Variants in SIDT1 observed in about 807,000 individuals in gnomAD.
SIDT1 encodes the protein SID1 transmembrane family member 1.
A neutral mutation model predicts 107.5 loss-of-function variants in SIDT1; 101 were observed. That is an observed-to-expected ratio of 0.94 (90% CI 0.80 to 1.11). The LOEUF (loss-of-function observed/expected upper bound fraction) is 1.11. SIDT1 is among the 50% of genes least tolerant of loss of function. The pLI, the probability that SIDT1 is intolerant of heterozygous loss-of-function variation, is 0.00. For synonymous variants in SIDT1, 395 were observed against 398.2 expected (o/e 0.99, Z 0.10); for missense variants, 1,076 against 1,058.2 (o/e 1.02, Z -0.23).
At chr3:113,539,935 C>A (rs986466542) in intron 1 of SIDT1, among the ~76,000 whole-genome samples, 10 of 148,968 alleles carry the variant, frequency 6.7e-5, no homozygotes, top group South Asian at 2.1e-4. Context: ...ACCTGGGAGG[C>A]GGAGGCTGCA....
intron 18 of SIDT1, among the ~76,000 whole-genome samples, chr3:113,611,409 G>A (rs1238749513): frequency 6.6e-6 from 1 of 152,126 alleles, no homozygotes; most frequent in Admixed American, 6.6e-5. Flanking sequence ...TCAGCTCACC[G>A]CAACCTCCAC....
chr3:113,627,908 A>C lies in SIDT1; in HGVS notation c.*200A>C. The C allele has an allele frequency of 1.7e-6, 1 of 590,380 alleles. No homozygotes were observed. 36.6% of individuals were successfully genotyped at this position (590,380 alleles called of 1,614,324 possible). A position where few individuals can be genotyped will look rare whatever the true frequency, so the allele number is the denominator to read the frequency against. ...GAGGCAGAAGGGGAGCCATGTTTTG[A>C]GGACAGACGCAAACCTGAGGAGCTG... On this transcript the variant is annotated 3_prime_UTR_variant, in exon 25 of 25. Coordinates refer to ENST00000264852, the MANE Select transcript of SIDT1 (RefSeq NM_017699.3).
At chr3:113,606,189 A>G (rs978964513) in intron 14 of SIDT1, among the ~76,000 whole-genome samples, 3 of 152,190 alleles carry the variant, frequency 2.0e-5, no homozygotes, top group African/African-American at 4.8e-5. Context: ...CCTTCTATAG[A>G]ATTTATTACA....
At chr3:113,555,661 G>C (rs1357309783) in intron 1 of SIDT1, among the ~76,000 whole-genome samples, 3 of 152,112 alleles carry the variant, frequency 2.0e-5, no homozygotes, top group African/African-American at 7.2e-5. Flanking sequence ...GCTAGATGAG[G>C]TCTGGAAACT....
chr3:113,583,347 G>A, intron 6 of SIDT1, 62 bp from the exon 7 acceptor site: 1 of 1,274,462 alleles, frequency 7.8e-7, no homozygotes, highest in Non-Finnish European at 1.1e-6. Context: ...CCTACCCCCA[G>A]GGACTTTCTC....
At chr3:113,599,840 G>A (rs554763818) in intron 10 of SIDT1, among the ~76,000 whole-genome samples, 2 of 152,206 alleles carry the variant, frequency 1.3e-5, no homozygotes, top group East Asian at 3.9e-4. Context: ...TAATAATATT[G>A]CATTCTATGT....
rs1942105566 is a variant in SIDT1, at chr3:113,568,288, C to G, written c.515+578C>G. The stretch of plus-strand genomic sequence containing the variant: ...CCAAATAGTCAAAAAAACACAACCT[C>G]ATTAGCTATAAGAAATGTAAATTAA... On this transcript the variant is annotated intron_variant, in intron 3 of 24. Coordinates refer to ENST00000264852, the MANE Select transcript of SIDT1 (RefSeq NM_017699.3). Among the ~76,000 whole-genome samples, 3 of 152,076 alleles carry G rather than the reference C, an allele frequency of 2.0e-5. No individual in the cohort carries two copies. In the South Asian group the frequency reaches 6.2e-4, roughly 31 times the overall value.
intron 1 of SIDT1, among the ~76,000 whole-genome samples, chr3:113,535,359 G>A (rs866894451): frequency 6.6e-6 from 1 of 152,132 alleles, no homozygotes; most frequent in African/African-American, 2.4e-5. Flanking sequence ...TGAATAAAGG[G>A]TTATTAGCTA....
rs892257387 is a variant in SIDT1, at chr3:113,532,858, C to A, written c.-164C>A. The A allele has an allele frequency of 2.2e-6, 1 of 450,082 alleles. No homozygotes were observed. The highest frequency in any genetic ancestry group is 2.0e-5 in the African/African-American group (1 of 48,796). The allele number at this position is 450,082 out of a possible 1,614,324, so 27.9% of individuals were successfully genotyped here. On this transcript the variant is annotated 5_prime_UTR_variant, in exon 1 of 25. Transcript: ENST00000264852. ...CGGCAGCATCAGTATTTGATCGGCC[C>A]TTCGTCAGCACGCTGCCAGCCCTGG...
chr3:113,563,253 G>A (rs917648055), intron 1 of SIDT1, among the ~76,000 whole-genome samples: 4 of 152,306 alleles, frequency 2.6e-5, no homozygotes, highest in African/African-American at 7.2e-5. Flanking sequence ...GTGATGTTGG[G>A]ATAACTGGAG....
chr3:113,533,238 G>A lies in SIDT1; in HGVS notation c.217G>A (p.Asp73Asn). 6.8e-7 allele frequency: 1 copy of A among 1,466,632 alleles called. No individual in the cohort carries two copies. The highest frequency in any genetic ancestry group is 9.1e-7 in the Non-Finnish European group (1 of 1,103,634). 90.9% of individuals were successfully genotyped at this position (1,466,632 alleles called of 1,614,324 possible). A position where few individuals can be genotyped will look rare whatever the true frequency, so the allele number is the denominator to read the frequency against. Reference protein sequence around the residue: ...IYSFNYTSQPDQVTAVRVYVN... With the variant: ...IYSFNYTSQPNQVTAVRVYVN... The stretch of plus-strand genomic sequence containing the variant: ...CTCTTTCAACTACACCAGCCAGCCC[G>A]ACCAGGTAAGACACTCGCTCCCCTC... Residue 73 changes from aspartate to asparagine, a missense_variant, in exon 1 of 25, where the codon GAC (aspartate) becomes AAC (asparagine). By Grantham distance (23) the Asp-to-Asn change is conservative. Transcript: ENST00000264852.
intron 1 of SIDT1, among the ~76,000 whole-genome samples, chr3:113,540,711 C>T (rs557438838): frequency 6.6e-6 from 1 of 152,156 alleles, no homozygotes; most frequent in Non-Finnish European, 1.5e-5. Context: ...ACCCCCTTCC[C>T]TCTCTTCCTC....
At chr3:113,600,531 T>C (rs1944886593) in intron 10 of SIDT1, among the ~76,000 whole-genome samples, 1 of 152,200 alleles carries the variant, frequency 6.6e-6, no homozygotes, top group Non-Finnish European at 1.5e-5. Flanking sequence ...AAGACTGTCC[T>C]ACACAGTAAG....
Position 113,611,036 on chromosome 3 carries a change from C to T in SIDT1, c.1749C>T (p.Gly583=). ...CCTCCTTCATGTACATGATCGCTGG[C>T]CTGTGCATGCTGAAGCTCTATCAGA... ...FDTSFMYMIA[G]LCMLKLYQTR... The change falls in exon 18 of 25, where the codon GGC becomes GGT. Residue 583 remains glycine (G), a synonymous_variant. Coordinates refer to ENST00000264852, the MANE Select transcript of SIDT1 (RefSeq NM_017699.3). The T allele has an allele frequency of 1.9e-6, 3 of 1,614,062 alleles. No individual in the cohort carries two copies. Among genetic ancestry groups the T allele is most frequent in the Non-Finnish European group, 2.5e-6 (3 of 1,179,972 alleles).
At chr3:113,543,454 C>T (rs1463951599) in intron 1 of SIDT1, among the ~76,000 whole-genome samples, 1 of 152,126 alleles carries the variant, frequency 6.6e-6, no homozygotes, top group Non-Finnish European at 1.5e-5. Context: ...AGCTCCATGC[C>T]TTTCGTCTGC....
chr3:113,620,774 C>A (rs1271761549), intron 21 of SIDT1, among the ~76,000 whole-genome samples: 1 of 152,222 alleles, frequency 6.6e-6, no homozygotes, highest in South Asian at 2.1e-4. Flanking sequence ...ACTCCACAGT[C>A]CTGGTGGTCC....
At chr3:113,557,468 A>G (rs1941002130) in intron 1 of SIDT1, among the ~76,000 whole-genome samples, 1 of 152,188 alleles carries the variant, frequency 6.6e-6, no homozygotes, top group Non-Finnish European at 1.5e-5. Flanking sequence ...TACTTATAAG[A>G]AGAGGGAAAT....
chr3:113,553,800 C>A (rs1940541148), intron 1 of SIDT1, among the ~76,000 whole-genome samples: 1 of 152,166 alleles, frequency 6.6e-6, no homozygotes, highest in Non-Finnish European at 1.5e-5. Flanking sequence ...AATCCCAGCA[C>A]TTTGGGAGGC....
chr3:113,623,563 G>GC, intron 22 of SIDT1, 31 bp downstream of exon 22: 1 of 1,599,734 alleles, frequency 6.3e-7, no homozygotes. Flanking sequence ...CGGCTACCTC[G>GC]GGCCCTCGGG....
Sources: gnomAD v4.1 joint callset for allele counts (sites outside exome capture counted in the v4.1 genomes callset) on GRCh38, gnomAD v4.1.1 for gene constraint, MANE v1.5 for transcripts, NCBI Gene and HGNC (gene_info 2026-07-23, HGNC 2026-07-21) for gene names.